AFF2: variants seen among roughly 807,000 people sequenced by gnomAD.
AFF2 encodes the protein ALF transcription elongation factor 2.
A neutral mutation model predicts 76.9 loss-of-function variants in AFF2; 14 were observed. The ratio of observed to expected loss-of-function variants is 0.18; its 90% CI spans 0.12 to 0.28. The LOEUF is 0.28. AFF2 is among the 10% of genes least tolerant of loss of function. The probability of loss-of-function intolerance (pLI) is 1.00; values close to 1 mark genes in which losing one functional copy is unlikely to be tolerated. For missense variants in AFF2, 868 were observed against 1,001.1 expected, an observed-to-expected ratio of 0.87 and a Z score of 1.79; for synonymous variants, 398 against 366.7, an observed-to-expected ratio of 1.09 and a Z score of -0.98.
At chrX:148,696,951 C>T (rs2054729211) in intron 3 of AFF2, among the ~76,000 whole-genome samples, 1 of 112,288 alleles carries the variant, frequency 8.9e-6, no homozygotes, top group Non-Finnish European at 1.9e-5. Flanking sequence ...GTTGTGTTTG[C>T]TCCCAACCCT....
intron 12 of AFF2, among the ~76,000 whole-genome samples, chrX:148,961,729 T>C (rs2072111161): frequency 1.8e-5 from 2 of 112,729 alleles, no homozygotes; most frequent in Admixed American, 1.9e-4. Flanking sequence ...TGACTGAAAT[T>C]GACCAAGAGG....
intron 3 of AFF2, among the ~76,000 whole-genome samples, chrX:148,702,822 GT>G (rs2054819007): frequency 8.9e-6 from 1 of 112,386 alleles, no homozygotes; most frequent in Admixed American, 9.5e-5. Context: ...GCTTTGGATT[GT>G]TGAGAAACAA....
chrX:148,629,101 TTG>T (rs58772444), intron 1 of AFF2, among the ~76,000 whole-genome samples: 1,098 of 101,939 alleles, frequency 0.011, 12 homozygotes, highest in South Asian at 0.042. Flanking sequence ...TGACAAGAGT[TTG>T]TGTGTGTGTG....
intron 3 of AFF2, among the ~76,000 whole-genome samples, chrX:148,792,271 T>A (rs2069906111): frequency 1.8e-5 from 2 of 111,959 alleles, no homozygotes; most frequent in South Asian, 7.4e-4. Context: ...TCAAAAAGCA[T>A]GTCCTATAAA....
intron 9 of AFF2, among the ~76,000 whole-genome samples, chrX:148,916,349 A>G (rs1282586459): frequency 3.7e-5 from 4 of 106,812 alleles, no homozygotes; most frequent in Non-Finnish European, 7.7e-5. Context: ...AGCTGGGACT[A>G]CAGGCGCCCG....
intron 1 of AFF2, among the ~76,000 whole-genome samples, chrX:148,518,247 T>TA (rs1218202221): frequency 4.5e-5 from 5 of 111,496 alleles, no homozygotes; most frequent in Non-Finnish European, 7.5e-5. Context: ...TGGATTTTGC[T>TA]AAAAAAACCA....
chrX:148,669,792 C>G lies in AFF2; in HGVS notation c.1041+7024C>G, dbSNP rs148561396. ...TCACCAGTTTATTTTTTTGTGCATT[C>G]TTATGAAAATACAATAGTACTGAGT... On this transcript the variant is annotated intron_variant, in intron 3 of 20. Transcript: ENST00000370460. Among the ~76,000 whole-genome samples, 446 of 111,348 alleles carry G rather than the reference C, an allele frequency of 4.0e-3. 1 individual carries two copies. The highest frequency in any genetic ancestry group is 0.013 in the African/African-American group (398 of 30,610).
chrX:148,759,823 C>T lies in AFF2; in HGVS notation c.1042-50053C>T, dbSNP rs782356835. Among the ~76,000 whole-genome samples the T allele has an allele frequency of 2.7e-4, 30 of 112,197 alleles. No homozygotes were observed. In the South Asian group the frequency reaches 0.01, roughly 39 times the overall value. ...TATCCTGTGCTTCATTTCACTTCCA[C>T]GATGTACTGTGATTATGACAATGCC... On this transcript the variant is annotated intron_variant, in intron 3 of 20. Coordinates refer to ENST00000370460, the MANE Select transcript of AFF2 (RefSeq NM_002025.4).
At chrX:148,740,571 G>T (rs1359559800) in intron 3 of AFF2, among the ~76,000 whole-genome samples, 3 of 111,357 alleles carry the variant, frequency 2.7e-5, no homozygotes, top group African/African-American at 9.8e-5. Flanking sequence ...TCATTTTTTG[G>T]ATTTCCTTTC....
chrX:148,539,328 C>T (rs929898111), intron 1 of AFF2, among the ~76,000 whole-genome samples: 2 of 111,521 alleles, frequency 1.8e-5, no homozygotes, highest in Admixed American at 1.9e-4. Context: ...CATCATACAG[C>T]TAAACAGAGA....
chrX:148,843,247 C>CTTT, intron 6 of AFF2, 135 bp from the exon 7 acceptor site: 3 of 436,254 alleles, frequency 6.9e-6, no homozygotes, highest in Non-Finnish European at 7.3e-6. Context: ...GGTTCCCCCC[C>CTTT]TTTTTTTTTT....
chrX:148,780,545 T>C (rs2069729023), intron 3 of AFF2, among the ~76,000 whole-genome samples: 1 of 112,311 alleles, frequency 8.9e-6, no homozygotes, highest in African/African-American at 3.2e-5. Context: ...AATTTGGCTA[T>C]TGATACTTGT....
At chrX:148,772,656 T>C in intron 3 of AFF2, among the ~76,000 whole-genome samples, 1 of 109,569 alleles carries the variant, frequency 9.1e-6, no homozygotes, top group Middle Eastern at 4.7e-3. Context: ...AATTTGTTTG[T>C]CCTCTGATGA....
At chrX:148,702,842 G>A (rs1306163150) in intron 3 of AFF2, among the ~76,000 whole-genome samples, 3 of 112,177 alleles carry the variant, frequency 2.7e-5, no homozygotes, top group African/African-American at 6.5e-5. Flanking sequence ...AATAGCATAC[G>A]GTTATGATTT....
At chrX:148,722,940 A>C (rs1052421075) in intron 3 of AFF2, among the ~76,000 whole-genome samples, 21 of 110,390 alleles carry the variant, frequency 1.9e-4, no homozygotes, top group Non-Finnish European at 4.0e-4. Context: ...TACCTTCTCC[A>C]GGAAGCCCTC....
chrX:148,698,534 CTAAATAAAAACCCTATTTAT>C (rs2054748017), intron 3 of AFF2, among the ~76,000 whole-genome samples: 2 of 112,076 alleles, frequency 1.8e-5, no homozygotes, highest in Non-Finnish European at 3.8e-5. Flanking sequence ...GTGATAAGAC[CTAAATAAAAACCCTATTTAT>C]CTACTATGAA....
intron 1 of AFF2, among the ~76,000 whole-genome samples, chrX:148,633,582 C>T (rs2054000971): frequency 8.9e-6 from 1 of 112,390 alleles, no homozygotes; most frequent in Non-Finnish European, 1.9e-5. Flanking sequence ...AGAAAGCATT[C>T]TGTCAGTCAC....
chrX:148,620,353 G>C (rs782752196), intron 1 of AFF2, among the ~76,000 whole-genome samples: 1 of 110,716 alleles, frequency 9.0e-6, no homozygotes, highest in East Asian at 2.9e-4. Flanking sequence ...CTTCACCTTC[G>C]TACCATTGTT....
chrX:148,664,427 C>T (rs1194604269), intron 3 of AFF2, among the ~76,000 whole-genome samples: 1 of 111,502 alleles, frequency 9.0e-6, no homozygotes, highest in Non-Finnish European at 1.9e-5. Context: ...TCTTTCCCCA[C>T]CCTCCCTTGT....
Sources: allele counts gnomAD v4.1 joint callset (sites outside exome capture counted in the v4.1 genomes callset), GRCh38; gene constraint gnomAD v4.1.1; transcripts MANE v1.5; gene names NCBI Gene and HGNC (gene_info 2026-07-23, HGNC 2026-07-21).